SMARCA4: variants seen among roughly 807,000 people sequenced by gnomAD.
The protein encoded by SMARCA4 is SWI/SNF-related matrix-associated actin-dependent regulator of chromatin subfamily A member 4.
Under a neutral mutation model 193.9 loss-of-function variants are expected in SMARCA4, and 31 were observed. The observed-to-expected ratio is 0.16, with a 90% confidence interval of 0.12 to 0.22. The LOEUF (loss-of-function observed/expected upper bound fraction) is 0.22, where lower values mean the gene tolerates loss of function less well. SMARCA4 is among the 10% of genes least tolerant of loss of function. The pLI is 1.00. For synonymous variants in SMARCA4, 942 were observed against 933.1 expected (o/e 1.01, Z -0.17); for missense variants, 1,148 against 2,296.0 (o/e 0.50, Z 10.22).
intron 29 of SMARCA4, among the ~76,000 whole-genome samples, chr19:11,038,044 G>A (rs73925104): frequency 1.3e-5 from 2 of 152,222 alleles, no homozygotes; most frequent in African/African-American, 4.8e-5. Context: ...CCTTCAAAAT[G>A]CTCCTATGGC....
chr19:10,970,670 G>A (rs1395642998), intron 1 of SMARCA4, among the ~76,000 whole-genome samples: 1 of 152,204 alleles, frequency 6.6e-6, no homozygotes, highest in Non-Finnish European at 1.5e-5. Context: ...GCCTCCCAAA[G>A]CACTGTGCTT....
At chr19:11,050,228 A>G (rs1391758279) in intron 30 of SMARCA4, among the ~76,000 whole-genome samples, 1 of 152,258 alleles carries the variant, frequency 6.6e-6, no homozygotes, top group African/African-American at 2.4e-5. Flanking sequence ...CAGCTCGGAA[A>G]GACGGTGACG....
At chr19:11,059,696 G>T (rs993623111) in intron 32 of SMARCA4, 57 bp from the exon 33 acceptor site, 1 of 1,539,998 alleles carries the variant, frequency 6.5e-7, no homozygotes, top group African/African-American at 1.4e-5. Context: ...GGCCAGGGCC[G>T]GGCAGGCAGC....
intron 6 of SMARCA4, 138 bp downstream of exon 6, chr19:10,988,062 T>C: frequency 1.2e-6 from 1 of 803,950 alleles, no homozygotes; most frequent in Non-Finnish European, 2.0e-6. Context: ...ACCTCCTTCC[T>C]CACCTCCCTG....
rs34930626 is a variant in SMARCA4, at chr19:11,058,901, G to A, written c.4635+12G>A. ...TGGAGGGCTCCCTGGTGAGGGCACC[G>A]CTGGGGGTTGGGGATGGGCCACTCC... On this transcript the variant is annotated intron_variant, in intron 32 of 34. Transcript: ENST00000344626. This position sits in a 1 kb window ranked among gnomAD's most constrained non-coding sequence, Gnocchi z 5.8. 2,834 of 1,608,008 alleles carry A rather than the reference G, an allele frequency of 1.8e-3. 49 individuals are homozygous for A. The African/African-American group carries it at 0.034, about 19-fold the overall frequency.
At chr19:11,051,442 G>A (rs943619391) in intron 30 of SMARCA4, among the ~76,000 whole-genome samples, 2 of 151,842 alleles carry the variant, frequency 1.3e-5, no homozygotes, top group East Asian at 1.9e-4. Context: ...CTTCCTTTCA[G>A]TGAGCCTGTG....
chr19:11,034,799 C>A lies in SMARCA4; in HGVS notation c.3952-115C>A. On this transcript the variant is annotated intron_variant, in intron 28 of 34. Coordinates refer to ENST00000344626, the MANE Select transcript of SMARCA4 (RefSeq NM_003072.5). This position sits in a 1 kb window ranked among gnomAD's most constrained non-coding sequence, Gnocchi z 7.0. ...GAGAGCTACTGTTTAACTCTCGCAG[C>A]AGCGTGGAGCCCCACGGGCAGAGAA... 1.3e-6 allele frequency: 1 copy of A among 746,008 alleles called. No individual in the cohort carries two copies. Among genetic ancestry groups the A allele is most frequent in the Non-Finnish European group, 2.3e-6 (1 of 427,556 alleles). The allele number at this position is 746,008 out of a possible 1,614,324, so 46.2% of individuals were successfully genotyped here.
chr19:11,003,939 C>A (rs910007379), intron 13 of SMARCA4, among the ~76,000 whole-genome samples: 2 of 151,002 alleles, frequency 1.3e-5, no homozygotes, highest in African/African-American at 4.9e-5. Flanking sequence ...CTCAAACTCC[C>A]GACCTGAAGT....
At chr19:10,980,992 T>A (rs192774147) in intron 1 of SMARCA4, 1 of 152,526 alleles carries the variant, frequency 6.6e-6, no homozygotes, top group East Asian at 1.9e-4. Context: ...GTTCAGGCCA[T>A]CCCCCTGCCT....
At chr19:10,974,001 T>C (rs2084898769) in intron 1 of SMARCA4, among the ~76,000 whole-genome samples, 4 of 152,174 alleles carry the variant, frequency 2.6e-5, no homozygotes, top group African/African-American at 4.8e-5. Flanking sequence ...ATAACCTGAC[T>C]CCCACGTTGG....
chr19:10,987,094 G>A lies in SMARCA4; in HGVS notation c.859+91G>A. ...AGATGAGCTTTGTCAGGGAGAAAGG[G>A]CCGAGGGTGGTCAGGCTGAACTGCA... On this transcript the variant is annotated intron_variant, in intron 5 of 34. Coordinates refer to ENST00000344626, the MANE Select transcript of SMARCA4 (RefSeq NM_003072.5). The surrounding 1 kb of genome is among the most constrained non-coding windows in gnomAD (Gnocchi z 5.3). 1.1e-6 allele frequency: 1 copy of A among 935,802 alleles called. No individual in the cohort carries two copies. 58.0% of individuals were successfully genotyped at this position (935,802 alleles called of 1,614,324 possible). A position where few individuals can be genotyped will look rare whatever the true frequency, so the allele number is the denominator to read the frequency against.
rs2074893959 is a variant in SMARCA4 at position 11,031,030 on chromosome 19, C to G, written c.3546+137C>G. The G allele has an allele frequency of 1.3e-6, 1 of 783,890 alleles. No homozygotes were observed. Among genetic ancestry groups the G allele is most frequent in the Non-Finnish European group, 2.2e-6 (1 of 461,774 alleles). 48.6% of individuals were successfully genotyped at this position (783,890 alleles called of 1,614,324 possible). A position where few individuals can be genotyped will look rare whatever the true frequency, so the allele number is the denominator to read the frequency against. On this transcript the variant is annotated intron_variant, in intron 25 of 34. Transcript: ENST00000344626. This position sits in a 1 kb window ranked among gnomAD's most constrained non-coding sequence, Gnocchi z 4.3. The stretch of plus-strand genomic sequence containing the variant: ...CCCAGGAGCCGGGAGGAGCTGCACC[C>G]ATATCTCCATAGGTCATCAGGGAGA...
In SMARCA4 at chr19:10,985,453, T is replaced by C. The variant is rs935214074; in HGVS notation, c.355+48T>C. On this transcript the variant is annotated intron_variant, in intron 3 of 34. Coordinates refer to ENST00000344626, the MANE Select transcript of SMARCA4 (RefSeq NM_003072.5). This position sits in a 1 kb window ranked among gnomAD's most constrained non-coding sequence, Gnocchi z 4.5. The stretch of plus-strand genomic sequence containing the variant: ...GCCTTGTGTTTGTCATACTCCAGAG[T>C]CCTCAGATCATTTTCCTCCCCTGGG... 4.4e-6 allele frequency: 7 copies of C among 1,606,494 alleles called. No homozygotes were observed. The Admixed American group carries it at 1.2e-4, about 27-fold the overall frequency.
At chr19:11,022,587 G>C (rs1469529963) in intron 19 of SMARCA4, among the ~76,000 whole-genome samples, 2 of 152,198 alleles carry the variant, frequency 1.3e-5, no homozygotes, top group Non-Finnish European at 2.9e-5. Context: ...CTGCTGAGGG[G>C]TTTAAGTAAC....
Position 10,996,482 on chromosome 19 carries a change from C to G in SMARCA4, c.1762-12C>G, listed in dbSNP as rs759160355. ...TGGGTCAGGGCCTGACCGTGTCTCT[C>G]TCTATTTCCAGAAGGCAGAAAATGC... On this transcript the variant is annotated splice_polypyrimidine_tract_variant and intron_variant, in intron 10 of 34. Coordinates refer to ENST00000344626, the MANE Select transcript of SMARCA4 (RefSeq NM_003072.5). 5.0e-6 allele frequency: 8 copies of G among 1,614,198 alleles called. No individual in the cohort carries two copies. Among genetic ancestry groups the G allele is most frequent in the Non-Finnish European group, 6.8e-6 (8 of 1,179,992 alleles).
chr19:11,044,428 T>G (rs2075786703), intron 30 of SMARCA4, among the ~76,000 whole-genome samples: 1 of 152,088 alleles, frequency 6.6e-6, no homozygotes, highest in Non-Finnish European at 1.5e-5. Context: ...TGAAAACTCC[T>G]CATAGATGAG....
In SMARCA4 at chr19:11,041,672, A is replaced by G. The variant is rs933009313; in HGVS notation, c.4424+112A>G. The G allele has an allele frequency of 2.3e-6, 2 of 881,556 alleles. No individual in the cohort carries two copies. The highest frequency in any genetic ancestry group is 3.5e-6 in the Non-Finnish European group (2 of 570,478). The allele number at this position is 881,556 out of a possible 1,614,324, so 54.6% of individuals were successfully genotyped here. A position where few individuals can be genotyped will look rare whatever the true frequency, so the allele number is the denominator to read the frequency against. On this transcript the variant is annotated intron_variant, in intron 30 of 34. Coordinates refer to ENST00000344626, the MANE Select transcript of SMARCA4 (RefSeq NM_003072.5). The surrounding 1 kb of genome is among the most constrained non-coding windows in gnomAD (Gnocchi z 5.6). ...GCTTGGGCCGCTCACTCTTTCACTC[A>G]TCCACAAACACTGACTGAATCTCTG...
rs188979923 is a variant in SMARCA4 at position 10,985,653 on chromosome 19, A to G, written c.355+248A>G. Among the ~76,000 whole-genome samples the G allele has an allele frequency of 5.5e-4, 83 of 152,292 alleles. No homozygotes were observed. The highest frequency in any genetic ancestry group is 1.9e-3 in the African/African-American group (79 of 41,572). ...GCAGACCATGTTCAGCATGGGTGAT[A>G]GAGGAGGGCTGTGCAGGGCAGCAGC... On this transcript the variant is annotated intron_variant, in intron 3 of 34. Transcript: ENST00000344626. The surrounding 1 kb of genome is among the most constrained non-coding windows in gnomAD (Gnocchi z 4.5).
chr19:11,016,749 C>CCATCCA (rs2089401049), intron 16 of SMARCA4, among the ~76,000 whole-genome samples: 1 of 152,110 alleles, frequency 6.6e-6, no homozygotes, highest in African/African-American at 2.4e-5. Context: ...TGGCTCAAAT[C>CCATCCA]CATCCAGCTT....
Sources: gnomAD v4.1 joint callset for allele counts (sites outside exome capture counted in the v4.1 genomes callset) on GRCh38, gnomAD v4.1.1 for gene constraint, Gnocchi (gnomAD v3.1) non-coding constraint, MANE v1.5 for transcripts, NCBI Gene and HGNC (gene_info 2026-07-23, HGNC 2026-07-21) for gene names.